AJAP1: variants seen among roughly 807,000 people sequenced by gnomAD.
The protein encoded by AJAP1 is adherens junction-associated protein 1.
In AJAP1, 5 loss-of-function variants were observed where a neutral mutation model predicts 35.0. The observed-to-expected ratio is 0.14, with a 90% confidence interval of 0.07 to 0.30. The LOEUF (loss-of-function observed/expected upper bound fraction) is 0.30. Among genes scored for constraint, AJAP1 ranks in the 10% least tolerant of loss-of-function variants. The probability of loss-of-function intolerance (pLI) is 1.00; values close to 1 mark genes in which losing one functional copy is unlikely to be tolerated. For synonymous variants in AJAP1, 284 were observed against 249.3 expected, an observed-to-expected ratio of 1.14 and a Z score of -1.31; for missense variants, 586 against 571.0, an observed-to-expected ratio of 1.03 and a Z score of -0.27.
chr1:4,734,497 G>A lies in AJAP1; in HGVS notation c.829+21798G>A, dbSNP rs1455494049. Reference sequence around the variant, plus strand: ...CAAACCTAGGTTCCAGGGATGGTGTGTTGACAGCCTGCACTCATCTGACTG... The same window carrying A: ...CAAACCTAGGTTCCAGGGATGGTGTATTGACAGCCTGCACTCATCTGACTG... On this transcript the variant is annotated intron_variant, in intron 2 of 5. Coordinates refer to ENST00000378191, the MANE Select transcript of AJAP1 (RefSeq NM_018836.4). This position sits in a 1 kb window ranked among gnomAD's most constrained non-coding sequence, Gnocchi z 4.3. Among the ~76,000 whole-genome samples, 1 of 152,160 alleles carries A rather than the reference G, an allele frequency of 6.6e-6. No homozygotes were observed. Among genetic ancestry groups the A allele is most frequent in the Admixed American group, 6.5e-5 (1 of 15,282 alleles).
At chr1:4,744,566 C>T (rs913084296) in intron 2 of AJAP1, among the ~76,000 whole-genome samples, 1 of 151,962 alleles carries the variant, frequency 6.6e-6, no homozygotes, top group African/African-American at 2.4e-5. Flanking sequence ...TCACACCCAG[C>T]TGTGTGCACA....
At chr1:4,759,233 A>G (rs1641510977) in intron 2 of AJAP1, among the ~76,000 whole-genome samples, 1 of 152,220 alleles carries the variant, frequency 6.6e-6, no homozygotes, top group Non-Finnish European at 1.5e-5. Flanking sequence ...TGGATGGCAC[A>G]TCAGTCCTGC....
chr1:4,705,395 CTTT>C (rs58022692), intron 1 of AJAP1, among the ~76,000 whole-genome samples: 514 of 23,830 alleles, frequency 0.022, 14 homozygotes, highest in Middle Eastern at 0.077. Context: ...TTTTGAAGAG[CTTT>C]TTTTTTTTTT....
intron 1 of AJAP1, among the ~76,000 whole-genome samples, chr1:4,702,713 C>T (rs1474846065): frequency 6.6e-6 from 1 of 152,066 alleles, no homozygotes; most frequent in Non-Finnish European, 1.5e-5. Flanking sequence ...AGGGAGGAGG[C>T]GATTTTGGCT....
At chr1:4,725,619 G>A (rs958158278) in intron 2 of AJAP1, among the ~76,000 whole-genome samples, 9 of 152,286 alleles carry the variant, frequency 5.9e-5, no homozygotes, top group African/African-American at 2.2e-4. Flanking sequence ...CAACGGAACC[G>A]GGGGCCTCCT....
At chr1:4,670,594 T>TA (rs1470773578) in intron 1 of AJAP1, among the ~76,000 whole-genome samples, 2 of 152,224 alleles carry the variant, frequency 1.3e-5, no homozygotes, top group African/African-American at 4.8e-5. Context: ...CTTGCTGGCA[T>TA]GGAAGCATGC....
rs1303319094 is a variant in AJAP1, at chr1:4,782,852, C to T, written c.*367C>T. ...GAGGAAGCATCCGAAACCTAGGATT[C>T]GTCCTACGATTCTGAACCTGTGCCA... On this transcript the variant is annotated 3_prime_UTR_variant, in exon 6 of 6. Transcript: ENST00000378191. The surrounding 1 kb of genome is among the most constrained non-coding windows in gnomAD (Gnocchi z 5.3). 3 of 398,508 alleles carry T rather than the reference C, an allele frequency of 7.5e-6. No individual in the cohort carries two copies. The highest frequency in any genetic ancestry group is 1.3e-5 in the Non-Finnish European group (3 of 226,080). The allele number at this position is 398,508 out of a possible 1,614,324, so 24.7% of individuals were successfully genotyped here. A position where few individuals can be genotyped will look rare whatever the true frequency, so the allele number is the denominator to read the frequency against.
At chr1:4,748,623 C>G (rs1321313252) in intron 2 of AJAP1, among the ~76,000 whole-genome samples, 1 of 151,990 alleles carries the variant, frequency 6.6e-6, no homozygotes, top group African/African-American at 2.4e-5. Context: ...TGGCGTGTGC[C>G]TGTAATCCCA....
intron 1 of AJAP1, among the ~76,000 whole-genome samples, chr1:4,702,081 T>C (rs1640000914): frequency 6.6e-6 from 1 of 152,218 alleles, no homozygotes; most frequent in Admixed American, 6.5e-5. Context: ...GTCCCCAGTG[T>C]TCTCATGTGT....
chr1:4,742,626 A>G (rs1641095643), intron 2 of AJAP1, among the ~76,000 whole-genome samples: 1 of 152,074 alleles, frequency 6.6e-6, no homozygotes, highest in Non-Finnish European at 1.5e-5. Context: ...TTTTAACTAT[A>G]GTGTAAAATA....
intron 1 of AJAP1, among the ~76,000 whole-genome samples, chr1:4,666,571 G>A (rs112185468): frequency 2.2e-5 from 3 of 138,056 alleles, no homozygotes; most frequent in African/African-American, 5.4e-5. Flanking sequence ...CGTGAATCAC[G>A]GGAGGGGTGC....
intron 2 of AJAP1, among the ~76,000 whole-genome samples, chr1:4,739,183 T>C (rs1208334280): frequency 6.6e-6 from 1 of 152,184 alleles, no homozygotes; most frequent in African/African-American, 2.4e-5. Context: ...GGGGTGCCCT[T>C]CCACAACCCC....
At chr1:4,748,783 C>T (rs1056803164) in intron 2 of AJAP1, among the ~76,000 whole-genome samples, 1 of 147,604 alleles carries the variant, frequency 6.8e-6, no homozygotes. Context: ...AAGAATGGAA[C>T]CAGGGCTCTT....
At chr1:4,668,886 A>AGG (rs1639193770) in intron 1 of AJAP1, among the ~76,000 whole-genome samples, 1 of 152,154 alleles carries the variant, frequency 6.6e-6, no homozygotes, top group South Asian at 2.1e-4. Flanking sequence ...TTCCTTACGT[A>AGG]GGAATTCTGG....
Position 4,781,466 on chromosome 1 carries a change from C to T in AJAP1, c.*60-1079C>T, listed in dbSNP as rs367770681. ...CAACGATGACGATGACGGAGCCGGT[C>T]TGGCCGCATGCTATGCATGCAGCTG... On this transcript the variant is annotated intron_variant, in intron 5 of 5. Coordinates refer to ENST00000378191, the MANE Select transcript of AJAP1 (RefSeq NM_018836.4). 5.9e-5 allele frequency among the ~76,000 whole-genome samples: 9 copies of T among 152,344 alleles called. No homozygotes were observed. The South Asian group carries it at 1.9e-3, about 32-fold the overall frequency.
At chr1:4,660,872 G>T (rs1270191525) in intron 1 of AJAP1, among the ~76,000 whole-genome samples, 1 of 152,178 alleles carries the variant, frequency 6.6e-6, no homozygotes, top group Non-Finnish European at 1.5e-5. Flanking sequence ...ATAATTATTG[G>T]ATAAGAAGAT....
intron 2 of AJAP1, among the ~76,000 whole-genome samples, chr1:4,722,623 G>A (rs1223108283): frequency 6.6e-6 from 1 of 152,212 alleles, no homozygotes; most frequent in Non-Finnish European, 1.5e-5. Flanking sequence ...AAGCAGGGCT[G>A]TGGTCCCTCC....
intron 1 of AJAP1, among the ~76,000 whole-genome samples, chr1:4,701,301 G>A (rs1169680337): frequency 6.6e-6 from 1 of 152,234 alleles, no homozygotes; most frequent in Non-Finnish European, 1.5e-5. Context: ...GGTGGCAGGT[G>A]TACAGGTGGG....
At chr1:4,763,589 G>A (rs539160957) in intron 2 of AJAP1, among the ~76,000 whole-genome samples, 5 of 152,276 alleles carry the variant, frequency 3.3e-5, no homozygotes, top group East Asian at 1.9e-4. Context: ...AGATTGGCAC[G>A]TGAAATAATG....
Sources: gnomAD v4.1 joint callset for allele counts (sites outside exome capture counted in the v4.1 genomes callset) on GRCh38, gnomAD v4.1.1 for gene constraint, Gnocchi (gnomAD v3.1) non-coding constraint, MANE v1.5 for transcripts, NCBI Gene and HGNC (gene_info 2026-07-23, HGNC 2026-07-21) for gene names.